The following COL19A1 variants were observed in gnomAD, a reference collection of about 807,000 sequenced individuals.
The protein encoded by COL19A1 is collagen alpha-1(XIX) chain.
Under a neutral mutation model 190.2 loss-of-function variants are expected in COL19A1, and 159 were observed. The observed-to-expected ratio is 0.84, with a 90% CI of 0.73 to 0.95. The LOEUF (loss-of-function observed/expected upper bound fraction) is 0.95, where lower values mean the gene tolerates loss of function less well. Among genes scored for constraint, COL19A1 ranks in the 40% least tolerant of loss-of-function variants. COL19A1 has a pLI of 0.00. For synonymous variants in COL19A1, 509 were observed against 458.9 expected, an observed-to-expected ratio of 1.11 and a Z score of -1.39; for missense variants, 1,418 against 1,431.9, an observed-to-expected ratio of 0.99 and a Z score of 0.16.
At chr6:69,918,150 G>A (rs1328218812) in intron 4 of COL19A1, among the ~76,000 whole-genome samples, 1 of 152,172 alleles carries the variant, frequency 6.6e-6, no homozygotes, top group African/African-American at 2.4e-5. Flanking sequence ...TATGAGTCAT[G>A]GTCAGAGAAA....
In COL19A1 at chr6:70,089,747, G is replaced by C. The variant is rs190477317; in HGVS notation, c.1225-12422G>C. On this transcript the variant is annotated intron_variant, in intron 15 of 50. Coordinates refer to ENST00000620364, the MANE Select transcript of COL19A1 (RefSeq NM_001858.6). ...TTTCAAGAACACTTTTCTCCCTTGA[G>C]TACAAGTTCATTAAATTATTAATAT... is the stretch of plus-strand genomic sequence containing the variant. Among the ~76,000 whole-genome samples the C allele has an allele frequency of 3.3e-5, 5 of 152,208 alleles. No individual in the cohort carries two copies. In the East Asian group the frequency reaches 9.6e-4, roughly 29 times the overall value.
intron 15 of COL19A1, among the ~76,000 whole-genome samples, chr6:70,087,040 GC>G (rs1782632559): frequency 6.6e-6 from 1 of 152,054 alleles, no homozygotes; most frequent in Non-Finnish European, 1.5e-5. Context: ...ATGCCCATTT[GC>G]TTACATATTG....
intron 36 of COL19A1, among the ~76,000 whole-genome samples, chr6:70,165,345 C>T (rs1765082592): frequency 1.3e-5 from 2 of 152,200 alleles, no homozygotes; most frequent in Admixed American, 1.3e-4. Context: ...ATTGTAGTGA[C>T]TATTTGCTTT....
At chr6:70,065,622 C>G (rs1209919292) in intron 14 of COL19A1, among the ~76,000 whole-genome samples, 4 of 152,126 alleles carry the variant, frequency 2.6e-5, no homozygotes, top group Non-Finnish European at 5.9e-5. Flanking sequence ...TCTAATTAAA[C>G]TAAAGAGCTT....
chr6:70,155,185 C>G (rs1787360485), intron 31 of COL19A1, among the ~76,000 whole-genome samples: 1 of 152,034 alleles, frequency 6.6e-6, no homozygotes, highest in Admixed American at 6.6e-5. Flanking sequence ...ATTTGAATAG[C>G]CATGGGCTTT....
intron 11 of COL19A1, among the ~76,000 whole-genome samples, chr6:70,008,688 G>C (rs367710279): frequency 1.3e-5 from 2 of 151,718 alleles, no homozygotes; most frequent in African/African-American, 4.8e-5. Context: ...CATTTTATGA[G>C]GCCAATATTA....
intron 16 of COL19A1, 40 bp downstream of exon 16, chr6:70,102,262 G>C (rs1311301527): frequency 2.2e-6 from 3 of 1,380,582 alleles, no homozygotes; most frequent in Middle Eastern, 1.8e-4. Flanking sequence ...TAAAGAGTCT[G>C]TCTTTATGTC....
At chr6:69,885,343 A>C (rs1196889786) in intron 2 of COL19A1, among the ~76,000 whole-genome samples, 3 of 152,170 alleles carry the variant, frequency 2.0e-5, no homozygotes, top group Non-Finnish European at 4.4e-5. Context: ...TCTTTTAAAA[A>C]AATTATAAAT....
At chr6:70,070,891 A>T (rs1044943846) in intron 15 of COL19A1, among the ~76,000 whole-genome samples, 1 of 152,116 alleles carries the variant, frequency 6.6e-6, no homozygotes, top group African/African-American at 2.4e-5. Flanking sequence ...AGGAATTTAA[A>T]ATCATTTTTA....
At chr6:70,164,674 T>G (rs1490331062) in intron 36 of COL19A1, among the ~76,000 whole-genome samples, 2 of 151,956 alleles carry the variant, frequency 1.3e-5, no homozygotes, top group Non-Finnish European at 2.9e-5. Context: ...AATATATGAC[T>G]TTTAATTGTG....
At chr6:69,945,097 C>T (rs951693125) in intron 9 of COL19A1, among the ~76,000 whole-genome samples, 4 of 151,948 alleles carry the variant, frequency 2.6e-5, no homozygotes, top group Admixed American at 6.6e-5. Context: ...AATATTAGCT[C>T]AATTTTAATG....
Position 70,023,707 on chromosome 6 carries a change from T to G in COL19A1, c.1080+27T>G, listed in dbSNP as rs370179802. On this transcript the variant is annotated intron_variant, in intron 12 of 50. Transcript: ENST00000620364. ...TAAGCCTAACTCTTTTTTCTGATACTCTGTTTACATTTTACCACTAAGATA... is the reference window on the plus strand; with the variant it reads ...TAAGCCTAACTCTTTTTTCTGATACGCTGTTTACATTTTACCACTAAGATA... 4 of 1,592,000 alleles carry G rather than the reference T, an allele frequency of 2.5e-6. No individual in the cohort carries two copies. The African/African-American group carries it at 4.1e-5, about 16-fold the overall frequency.
intron 12 of COL19A1, among the ~76,000 whole-genome samples, chr6:70,030,467 C>G (rs1778996237): frequency 6.6e-6 from 1 of 152,170 alleles, no homozygotes; most frequent in South Asian, 2.1e-4. Flanking sequence ...CTGTCCTCCA[C>G]TCCAGAGTTA....
At chr6:70,199,569 C>G in intron 48 of COL19A1, 39 bp from the exon 49 acceptor site, 1 of 1,341,594 alleles carries the variant, frequency 7.5e-7, no homozygotes, top group Non-Finnish European at 9.7e-7. Context: ...TAAAATATTT[C>G]TGTTCTATGA....
intron 11 of COL19A1, among the ~76,000 whole-genome samples, chr6:70,004,759 C>T (rs1364108750): frequency 3.9e-5 from 6 of 152,072 alleles, no homozygotes; most frequent in Non-Finnish European, 7.4e-5. Context: ...TTCTAGTTAG[C>T]AGCTCCTCAA....
chr6:70,129,961 A>G (rs1785421625), intron 17 of COL19A1, among the ~76,000 whole-genome samples: 1 of 152,216 alleles, frequency 6.6e-6, no homozygotes, highest in African/African-American at 2.4e-5. Flanking sequence ...AGAAGTCACA[A>G]AGAAGATGCA....
intron 2 of COL19A1, among the ~76,000 whole-genome samples, chr6:69,889,228 A>G (rs1769158861): frequency 2.0e-5 from 3 of 152,256 alleles, no homozygotes; most frequent in Admixed American, 6.5e-5. Context: ...TAGAACTTGT[A>G]TCAGACTAGA....
rs146293620 is a variant in COL19A1, at chr6:70,197,142, C to T, written c.3095-2466C>T. On this transcript the variant is annotated intron_variant, in intron 48 of 50. Coordinates refer to ENST00000620364, the MANE Select transcript of COL19A1 (RefSeq NM_001858.6). ...GTTTCAAATTAAGAAAAATTGTGAC[C>T]GGTCTCAGTGGCTCACGCCTGTAAT... 7.2e-5 allele frequency among the ~76,000 whole-genome samples: 11 copies of T among 151,826 alleles called. No homozygotes were observed. In the East Asian group the frequency reaches 7.8e-4, roughly 11 times the overall value.
At chr6:69,999,049 C>T (rs569673117) in intron 11 of COL19A1, among the ~76,000 whole-genome samples, 4 of 151,822 alleles carry the variant, frequency 2.6e-5, no homozygotes, top group South Asian at 2.1e-4. Flanking sequence ...CTCAGCCTCC[C>T]GAGTAGCTGG....
Sources: gnomAD v4.1 joint callset for allele counts (sites outside exome capture counted in the v4.1 genomes callset) on GRCh38, gnomAD v4.1.1 for gene constraint, MANE v1.5 for transcripts, NCBI Gene and HGNC (gene_info 2026-07-23, HGNC 2026-07-21) for gene names.